The following FRMD4B variants were observed in gnomAD, a reference collection of about 807,000 sequenced individuals.
The protein encoded by FRMD4B is FERM domain-containing protein 4B.
In FRMD4B, 74 loss-of-function variants were observed where a neutral mutation model predicts 141.5. That is an observed-to-expected ratio of 0.52 (90% CI 0.43 to 0.63). FRMD4B has a LOEUF of 0.63. Among genes scored for constraint, FRMD4B ranks in the 30% least tolerant of loss-of-function variants. FRMD4B has a pLI of 0.00. For missense variants in FRMD4B, 1,366 were observed against 1,253.4 expected, an observed-to-expected ratio of 1.09 and a Z score of -1.36; for synonymous variants, 506 against 467.9, an observed-to-expected ratio of 1.08 and a Z score of -1.05.
At chr3:69,458,313 C>A (rs2106912818) in intron 1 of FRMD4B, among the ~76,000 whole-genome samples, 1 of 152,232 alleles carries the variant, frequency 6.6e-6, no homozygotes, top group East Asian at 1.9e-4. Flanking sequence ...ACTAGATAGA[C>A]ACAGTCTATG....
intron 1 of FRMD4B, among the ~76,000 whole-genome samples, chr3:69,345,490 T>C: frequency 6.6e-6 from 1 of 152,172 alleles, no homozygotes; most frequent in East Asian, 1.9e-4. Flanking sequence ...AGAGAGTAGT[T>C]GTTCTCCCAG....
At chr3:69,541,798 T>A (rs1005504773) in intron 1 of FRMD4B, among the ~76,000 whole-genome samples, 1 of 116,228 alleles carries the variant, frequency 8.6e-6, no homozygotes, top group Non-Finnish European at 1.9e-5. Context: ...TTCCCCCCCC[T>A]CTTTTCGCTG....
At chr3:69,189,298 T>C (rs1341080515) in intron 18 of FRMD4B, among the ~76,000 whole-genome samples, 2 of 145,756 alleles carry the variant, frequency 1.4e-5, no homozygotes, top group Admixed American at 6.8e-5. Context: ...TTACAATCGA[T>C]ACAGCCTGCC....
chr3:69,356,586 T>TACAC (rs1159041462), intron 1 of FRMD4B, among the ~76,000 whole-genome samples: 1 of 149,836 alleles, frequency 6.7e-6, no homozygotes, highest in Non-Finnish European at 1.5e-5. Context: ...GATATATATA[T>TACAC]ACACACACAC....
chr3:69,391,651 G>A (rs1704386257), intron 2 of FRMD4B, among the ~76,000 whole-genome samples: 1 of 152,274 alleles, frequency 6.6e-6, no homozygotes, highest in Admixed American at 6.5e-5. Flanking sequence ...CCTCCTTTGG[G>A]CCATGCACTG....
chr3:69,186,884 G>A (rs1392739411), intron 19 of FRMD4B, among the ~76,000 whole-genome samples: 1 of 152,084 alleles, frequency 6.6e-6, no homozygotes, highest in East Asian at 1.9e-4. Flanking sequence ...GCTGGTAACT[G>A]TTTGTTTGCT....
At chr3:69,522,024 C>T (rs915958732) in intron 1 of FRMD4B, among the ~76,000 whole-genome samples, 1 of 152,200 alleles carries the variant, frequency 6.6e-6, no homozygotes, top group Non-Finnish European at 1.5e-5. Flanking sequence ...GTGAAGGCCA[C>T]ACATGTTTAT....
At chr3:69,204,897 G>T (rs2093007965) in intron 11 of FRMD4B, among the ~76,000 whole-genome samples, 1 of 152,096 alleles carries the variant, frequency 6.6e-6, no homozygotes, top group African/African-American at 2.4e-5. Flanking sequence ...CTGAGGCTCA[G>T]AGAGGTTAAA....
At chr3:69,211,214 G>C (rs2093076134) in intron 11 of FRMD4B, among the ~76,000 whole-genome samples, 2 of 151,984 alleles carry the variant, frequency 1.3e-5, no homozygotes, top group Admixed American at 1.3e-4. Flanking sequence ...TTGTCCTCTA[G>C]GTCTTACAAC....
intron 19 of FRMD4B, among the ~76,000 whole-genome samples, chr3:69,183,711 T>G (rs1182965166): frequency 6.6e-6 from 1 of 152,012 alleles, no homozygotes; most frequent in Non-Finnish European, 1.5e-5. Context: ...CTCGATCTCC[T>G]GACCTTGTGA....
chr3:69,444,581 C>T (rs116588472), intron 1 of FRMD4B, among the ~76,000 whole-genome samples: 55 of 152,202 alleles, frequency 3.6e-4, no homozygotes, highest in East Asian at 1.7e-3. Context: ...GATTAGGTTA[C>T]GCCTGACTCT....
chr3:69,397,300 G>T (rs1394413300), intron 2 of FRMD4B, among the ~76,000 whole-genome samples: 1 of 152,148 alleles, frequency 6.6e-6, no homozygotes, highest in African/African-American at 2.4e-5. Context: ...TAAGTTGGTG[G>T]TTGCCAGGGA....
At chr3:69,236,473 C>G (rs1184493418) in intron 7 of FRMD4B, among the ~76,000 whole-genome samples, 1 of 152,142 alleles carries the variant, frequency 6.6e-6, no homozygotes, top group Non-Finnish European at 1.5e-5. Flanking sequence ...AAATGATCCG[C>G]CCGCCTTGGC....
chr3:69,472,189 A>G (rs901554249), intron 1 of FRMD4B: 1 of 263,418 alleles, frequency 3.8e-6, no homozygotes, highest in South Asian at 5.6e-5. Flanking sequence ...AGAAAGATCA[A>G]GGATAGCATT....
intron 1 of FRMD4B, among the ~76,000 whole-genome samples, chr3:69,477,835 G>A (rs1233612546): frequency 6.6e-6 from 1 of 150,548 alleles, no homozygotes; most frequent in Non-Finnish European, 1.5e-5. Context: ...CTCTGGTCCT[G>A]GACTCTTTTT....
At chr3:69,287,025 G>A (rs1349843024) in intron 5 of FRMD4B, among the ~76,000 whole-genome samples, 2 of 152,092 alleles carry the variant, frequency 1.3e-5, no homozygotes, top group Non-Finnish European at 1.5e-5. Context: ...GGCTGGTCTC[G>A]AACTACTGAC....
At chr3:69,437,354 G>A (rs1029375609) in intron 1 of FRMD4B, among the ~76,000 whole-genome samples, 1 of 151,650 alleles carries the variant, frequency 6.6e-6, no homozygotes, top group Non-Finnish European at 1.5e-5. Context: ...TCACAGGCAT[G>A]AGCCACTGTG....
At chr3:69,370,145 A>C (rs1213636378) in intron 1 of FRMD4B, among the ~76,000 whole-genome samples, 2 of 150,728 alleles carry the variant, frequency 1.3e-5, no homozygotes, top group Non-Finnish European at 3.0e-5. Flanking sequence ...CTAAGAATCC[A>C]GGAAAATCCA....
intron 5 of FRMD4B, among the ~76,000 whole-genome samples, chr3:69,283,736 T>C (rs1279913628): frequency 6.6e-6 from 1 of 152,192 alleles, no homozygotes; most frequent in African/African-American, 2.4e-5. Context: ...CAGTAAATGC[T>C]GTGTTTGAAA....
Sources: allele counts gnomAD v4.1 joint callset (sites outside exome capture counted in the v4.1 genomes callset), GRCh38; gene constraint gnomAD v4.1.1; transcripts MANE v1.5; gene names NCBI Gene and HGNC (gene_info 2026-07-23, HGNC 2026-07-21).